KCNIP1: variants seen among roughly 807,000 people sequenced by gnomAD.
KCNIP1 encodes A-type potassium channel modulatory protein KCNIP1.
In KCNIP1, 18 loss-of-function variants were observed where a neutral mutation model predicts 33.0. The ratio of observed to expected loss-of-function variants is 0.55; its 90% CI spans 0.38 to 0.81. The LOEUF is 0.81. Ranked by LOEUF, KCNIP1 falls within the 30% of genes least tolerant of loss-of-function variation. The pLI, the probability that KCNIP1 is intolerant of heterozygous loss-of-function variation, is 0.00. For missense variants in KCNIP1, 238 were observed against 271.6 expected, an observed-to-expected ratio of 0.88 and a Z score of 0.87; for synonymous variants, 93 against 98.3, an observed-to-expected ratio of 0.95 and a Z score of 0.32.
chr5:170,702,459 A>G (rs1398541727), intron 1 of KCNIP1, among the ~76,000 whole-genome samples: 1 of 152,162 alleles, frequency 6.6e-6, no homozygotes, highest in Non-Finnish European at 1.5e-5. Flanking sequence ...GCTCAGAAAA[A>G]AGAAACAAAC....
At chr5:170,472,791 T>C (rs1175591769) in intron 1 of KCNIP1, among the ~76,000 whole-genome samples, 1 of 152,198 alleles carries the variant, frequency 6.6e-6, no homozygotes, top group African/African-American at 2.4e-5. Context: ...AGTATTCCAT[T>C]GTATCTACAT....
intron 1 of KCNIP1, among the ~76,000 whole-genome samples, chr5:170,697,647 G>A (rs1011278063): frequency 8.5e-5 from 13 of 152,176 alleles, no homozygotes; most frequent in Non-Finnish European, 1.5e-4. Context: ...GCCCTCTAAT[G>A]CATTCAGGGG....
At chr5:170,663,816 A>G (rs1344393947) in intron 1 of KCNIP1, among the ~76,000 whole-genome samples, 1 of 151,768 alleles carries the variant, frequency 6.6e-6, no homozygotes, top group African/African-American at 2.4e-5. Context: ...CAGCTTTACC[A>G]TCATGTCTCA....
intron 1 of KCNIP1, among the ~76,000 whole-genome samples, chr5:170,402,622 T>C (rs13176969): frequency 8.5e-5 from 13 of 152,248 alleles, no homozygotes; most frequent in African/African-American, 1.7e-4. Flanking sequence ...CACAGACACA[T>C]TGGCCTGGAA....
intron 1 of KCNIP1, among the ~76,000 whole-genome samples, chr5:170,369,173 C>G (rs1005574036): frequency 6.6e-6 from 1 of 152,184 alleles, no homozygotes; most frequent in Non-Finnish European, 1.5e-5. Context: ...GTCCCACTGC[C>G]TATTAGTTGG....
intron 1 of KCNIP1, among the ~76,000 whole-genome samples, chr5:170,464,378 GA>G (rs1490098893): frequency 6.6e-6 from 1 of 152,164 alleles, no homozygotes; most frequent in African/African-American, 2.4e-5. Flanking sequence ...TGCAGAAATG[GA>G]AAAGCTATTG....
At chr5:170,496,313 G>A (rs59690249) in intron 1 of KCNIP1, among the ~76,000 whole-genome samples, 1 of 152,198 alleles carries the variant, frequency 6.6e-6, no homozygotes, top group Non-Finnish European at 1.5e-5. Context: ...TGCCTCCCTA[G>A]AGAAACAGTG....
chr5:170,435,746 C>A (rs1163145219), intron 1 of KCNIP1, among the ~76,000 whole-genome samples: 1 of 152,190 alleles, frequency 6.6e-6, no homozygotes, highest in Non-Finnish European at 1.5e-5. Context: ...GTGCACGGAG[C>A]CCAGCAAGGT....
chr5:170,688,050 A>G (rs1247089980), intron 1 of KCNIP1, among the ~76,000 whole-genome samples: 1 of 152,234 alleles, frequency 6.6e-6, no homozygotes, highest in East Asian at 1.9e-4. Flanking sequence ...AGCTCTTACC[A>G]TGTGCCAAGC....
At chr5:170,508,193 C>G (rs1010951340) in intron 1 of KCNIP1, among the ~76,000 whole-genome samples, 1 of 152,112 alleles carries the variant, frequency 6.6e-6, no homozygotes, top group Admixed American at 6.5e-5. Context: ...CCTCCATGAC[C>G]GAGTGCAAGC....
At chr5:170,652,522 A>AGG (rs1447999560) in intron 1 of KCNIP1, among the ~76,000 whole-genome samples, 27 of 129,960 alleles carry the variant, frequency 2.1e-4, no homozygotes, top group African/African-American at 7.1e-4. Flanking sequence ...AGGAAGGAGA[A>AGG]AAGAAAAAAG....
At chr5:170,399,866 T>C (rs934234207) in intron 1 of KCNIP1, among the ~76,000 whole-genome samples, 2 of 152,366 alleles carry the variant, frequency 1.3e-5, no homozygotes, top group African/African-American at 4.8e-5. Context: ...GTTCATGTCA[T>C]CTTTGCTCAC....
chr5:170,427,238 G>T (rs1353448915), intron 1 of KCNIP1, among the ~76,000 whole-genome samples: 1 of 152,164 alleles, frequency 6.6e-6, no homozygotes, highest in African/African-American at 2.4e-5. Flanking sequence ...AGCTGTTTCT[G>T]GTGCATTAGG....
chr5:170,651,139 G>T (rs1761027405), intron 1 of KCNIP1, among the ~76,000 whole-genome samples: 1 of 152,166 alleles, frequency 6.6e-6, no homozygotes, highest in African/African-American at 2.4e-5. Context: ...AGAAATGTGG[G>T]TCTCATGGCG....
intron 1 of KCNIP1, among the ~76,000 whole-genome samples, chr5:170,495,906 T>C (rs150103338): frequency 6.6e-6 from 1 of 152,198 alleles, no homozygotes; most frequent in African/African-American, 2.4e-5. Context: ...TCCTTCCCTC[T>C]TCCTGGGTTT....
chr5:170,480,476 AT>A (rs11428676), intron 1 of KCNIP1, among the ~76,000 whole-genome samples: 289 of 137,886 alleles, frequency 2.1e-3, no homozygotes, highest in Admixed American at 4.0e-3. Flanking sequence ...GAGACTAGGG[AT>A]TTTTTTTTTT....
At chr5:170,693,019 A>C (rs1482918494) in intron 1 of KCNIP1, among the ~76,000 whole-genome samples, 1 of 152,228 alleles carries the variant, frequency 6.6e-6, no homozygotes, top group Non-Finnish European at 1.5e-5. Context: ...TTAATAAACT[A>C]AAAATATAGA....
At chr5:170,463,052 C>T (rs985074594) in intron 1 of KCNIP1, among the ~76,000 whole-genome samples, 1 of 152,038 alleles carries the variant, frequency 6.6e-6, no homozygotes, top group African/African-American at 2.4e-5. Context: ...GCACCAAAAT[C>T]TCACAAATCA....
intron 1 of KCNIP1, chr5:170,376,463 GA>G (rs1764010153): frequency 6.6e-6 from 1 of 152,014 alleles, no homozygotes; most frequent in Admixed American, 6.6e-5. Context: ...ACGCCCGGCC[GA>G]CTTTTTCTTG....
Sources: gnomAD v4.1 joint callset for allele counts (sites outside exome capture counted in the v4.1 genomes callset) on GRCh38, gnomAD v4.1.1 for gene constraint, MANE v1.5 for transcripts, NCBI Gene and HGNC (gene_info 2026-07-23, HGNC 2026-07-21) for gene names.